The following ZFAND6 variants were observed in gnomAD, a reference collection of about 807,000 sequenced individuals.
ZFAND6 encodes the protein AN1-type zinc finger protein 6.
ZFAND6 carries 12 observed loss-of-function variants against 24.5 expected under a neutral mutation model. The observed-to-expected ratio is 0.49, with a 90% confidence interval of 0.31 to 0.79. The LOEUF (loss-of-function observed/expected upper bound fraction) is 0.79. ZFAND6 is among the 30% of genes least tolerant of loss of function. ZFAND6 has a pLI of 0.04. For synonymous variants in ZFAND6, 92 were observed against 81.5 expected (o/e 1.13, Z -0.69); for missense variants, 207 against 245.9 (o/e 0.84, Z 1.06).
At chr15:80,129,308 TG>T (rs1187972504) in intron 5 of ZFAND6, among the ~76,000 whole-genome samples, 1 of 152,264 alleles carries the variant, frequency 6.6e-6, no homozygotes, top group Non-Finnish European at 1.5e-5. Flanking sequence ...GGTTTCAGCA[TG>T]TCTGAGTGGA....
chr15:80,117,906 A>G (rs1312863976), intron 2 of ZFAND6, among the ~76,000 whole-genome samples: 1 of 152,124 alleles, frequency 6.6e-6, no homozygotes, highest in Non-Finnish European at 1.5e-5. Context: ...ATAACTCACT[A>G]GTATTATTAT....
intron 2 of ZFAND6, among the ~76,000 whole-genome samples, chr15:80,110,550 A>G (rs1263196574): frequency 6.6e-6 from 1 of 152,008 alleles, no homozygotes; most frequent in African/African-American, 2.4e-5. Flanking sequence ...TTATGTGGAA[A>G]TGCAAAGAGC....
intron 2 of ZFAND6, among the ~76,000 whole-genome samples, chr15:80,108,310 G>T (rs900263766): frequency 6.6e-6 from 1 of 152,068 alleles, no homozygotes; most frequent in African/African-American, 2.4e-5. Flanking sequence ...TTTTTAAAAG[G>T]TTTTGGGTGG....
At chr15:80,070,240 T>C (rs1312853465) in intron 1 of ZFAND6, among the ~76,000 whole-genome samples, 1 of 152,204 alleles carries the variant, frequency 6.6e-6, no homozygotes. Flanking sequence ...TGGCTTGTTC[T>C]CTTCTAAATT....
At chr15:80,111,500 A>G (rs561729567) in intron 2 of ZFAND6, 1 of 455,888 alleles carries the variant, frequency 2.2e-6, no homozygotes, top group Admixed American at 2.4e-5. Context: ...TAAGATAGGA[A>G]TGTCAATCAG....
At chr15:80,098,812 T>C (rs2038875905) in intron 2 of ZFAND6, among the ~76,000 whole-genome samples, 2 of 152,140 alleles carry the variant, frequency 1.3e-5, no homozygotes, top group South Asian at 2.1e-4. Flanking sequence ...ACATCTTTTT[T>C]CAGAATTATT....
At position 80,131,175 on chromosome 15, in the gene ZFAND6, G is replaced by A. The variant is rs970959619; in HGVS notation, c.365-5G>A. On this transcript the variant is annotated splice_region_variant and splice_polypyrimidine_tract_variant and intron_variant, in intron 5 of 6. Coordinates refer to ENST00000261749, the MANE Select transcript of ZFAND6 (RefSeq NM_019006.4). ...TAAATTTTGCCACCTTCGTATTTTTGTTAGCTTCAGTATCAGACACAGCAC... is the reference window on the plus strand; with the variant it reads ...TAAATTTTGCCACCTTCGTATTTTTATTAGCTTCAGTATCAGACACAGCAC... 5.9e-6 allele frequency: 9 copies of A among 1,529,140 alleles called. No homozygotes were observed. The highest frequency in any genetic ancestry group is 7.9e-6 in the Non-Finnish European group (9 of 1,133,904). The allele number at this position is 1,529,140 out of a possible 1,614,324, so 94.7% of individuals were successfully genotyped here. A position where few individuals can be genotyped will look rare whatever the true frequency, so the allele number is the denominator to read the frequency against.
chr15:80,124,944 A>T (rs1409076052), intron 5 of ZFAND6, among the ~76,000 whole-genome samples: 1 of 152,238 alleles, frequency 6.6e-6, no homozygotes. Context: ...TTATAAACAT[A>T]CACAAATATA....
intron 1 of ZFAND6, among the ~76,000 whole-genome samples, chr15:80,082,895 T>C (rs976170371): frequency 1.4e-4 from 21 of 152,334 alleles, no homozygotes; most frequent in Admixed American, 1.4e-3. Context: ...CTTAATTTTC[T>C]TTTATAAAGT....
intron 3 of ZFAND6, 26 bp downstream of exon 3, chr15:80,120,524 T>C: frequency 6.8e-7 from 1 of 1,472,548 alleles, no homozygotes; most frequent in Non-Finnish European, 9.1e-7. Flanking sequence ...GAAACCCGTC[T>C]ATATTCATAA....
At chr15:80,079,524 C>G (rs999586927) in intron 1 of ZFAND6, among the ~76,000 whole-genome samples, 1 of 151,688 alleles carries the variant, frequency 6.6e-6, no homozygotes, top group Non-Finnish European at 1.5e-5. Context: ...CCGGCCTACT[C>G]TGTTCTTTCT....
chr15:80,137,439 T>A, intron 6 of ZFAND6, 41 bp from the exon 7 acceptor site: 2 of 1,572,086 alleles, frequency 1.3e-6, no homozygotes, highest in Non-Finnish European at 1.7e-6. Flanking sequence ...ACCTTAATAT[T>A]TCATCCTTCA....
At chr15:80,095,959 C>T (rs750735986) in intron 1 of ZFAND6, among the ~76,000 whole-genome samples, 40 of 152,318 alleles carry the variant, frequency 2.6e-4, no homozygotes, top group Middle Eastern at 6.8e-3. Flanking sequence ...GTATCCAAAT[C>T]TGGATACTAA....
chr15:80,068,187 G>T (rs1326678494), intron 1 of ZFAND6, among the ~76,000 whole-genome samples: 1 of 150,334 alleles, frequency 6.7e-6, no homozygotes, highest in Non-Finnish European at 1.5e-5. Context: ...TGCCTTTGTC[G>T]CCCAGGATGG....
At chr15:80,076,504 G>A (rs185058613) in intron 1 of ZFAND6, among the ~76,000 whole-genome samples, 285 of 152,020 alleles carry the variant, frequency 1.9e-3, no homozygotes, top group Non-Finnish European at 3.3e-3. Flanking sequence ...TTTACTGTGC[G>A]GTCATATCTG....
At chr15:80,080,888 C>T (rs2037624989) in intron 1 of ZFAND6, among the ~76,000 whole-genome samples, 1 of 152,186 alleles carries the variant, frequency 6.6e-6, no homozygotes. Flanking sequence ...AAAACTATCT[C>T]AAGGACAGCA....
At chr15:80,068,516 C>T (rs1043610276) in intron 1 of ZFAND6, among the ~76,000 whole-genome samples, 12 of 152,010 alleles carry the variant, frequency 7.9e-5, no homozygotes, top group African/African-American at 1.9e-4. Flanking sequence ...GGATTACAGG[C>T]GAGTGCCACC....
intron 2 of ZFAND6, among the ~76,000 whole-genome samples, chr15:80,101,037 T>C (rs986154007): frequency 2.0e-5 from 3 of 152,246 alleles, no homozygotes; most frequent in African/African-American, 7.2e-5. Flanking sequence ...AGAGGAGGAA[T>C]ACTAGGTAGC....
At chr15:80,059,406 G>C (rs1341766884), upstream of ZFAND6, among the ~76,000 whole-genome samples, 4 of 152,246 alleles carry the variant, frequency 2.6e-5, no homozygotes, top group East Asian at 7.7e-4. Context: ...GCGCCCCAGA[G>C]AGGGCAGTGG....
Sources: allele counts gnomAD v4.1 joint callset (sites outside exome capture counted in the v4.1 genomes callset), GRCh38; gene constraint gnomAD v4.1.1; transcripts MANE v1.5; gene names NCBI Gene and HGNC (gene_info 2026-07-23, HGNC 2026-07-21).